Variants in PALM2AKAP2 observed in about 807,000 individuals in gnomAD.
PALM2AKAP2 encodes the protein PALM2 and AKAP2 fusion, also known as PALM2-AKAP2 fusion protein.
A neutral mutation model predicts 71.5 loss-of-function variants in PALM2AKAP2; 37 were observed. The ratio of observed to expected loss-of-function variants is 0.52; its 90% CI spans 0.40 to 0.68. The LOEUF (loss-of-function observed/expected upper bound fraction) is 0.68. Among genes scored for constraint, PALM2AKAP2 ranks in the 30% least tolerant of loss-of-function variants. The pLI is 0.00. For missense variants in PALM2AKAP2, 1,224 were observed against 1,191.8 expected, an observed-to-expected ratio of 1.03 and a Z score of -0.40; for synonymous variants, 468 against 478.8, an observed-to-expected ratio of 0.98 and a Z score of 0.29.
intron 3 of PALM2AKAP2, 126 bp from the exon 11 acceptor site, chr9:110,168,273 A>G (rs1271867957): frequency 8.5e-7 from 1 of 1,174,208 alleles, no homozygotes; most frequent in African/African-American, 1.6e-5. Flanking sequence ...CCTATCTCCC[A>G]GCAGTGCTTT....
chr9:109,779,981 G>A (rs1171785314), upstream of PALM2AKAP2, among the ~76,000 whole-genome samples: 1 of 151,868 alleles, frequency 6.6e-6, no homozygotes, highest in Non-Finnish European at 1.5e-5. Flanking sequence ...CGCCACGCCA[G>A]CCGTGCGCCC....
At chr9:109,824,627 T>C (rs1828095218) in intron 1 of PALM2AKAP2, among the ~76,000 whole-genome samples, 2 of 152,216 alleles carry the variant, frequency 1.3e-5, no homozygotes. Flanking sequence ...TGGTTAAGTC[T>C]CCTTATGTTG....
At position 109,891,352 on chromosome 9, in the gene PALM2AKAP2, G is replaced by A. The variant is rs147461823; in HGVS notation, c.257+10671G>A. Among the ~76,000 whole-genome samples, 92 of 152,276 alleles carry A rather than the reference G, an allele frequency of 6.0e-4. No homozygotes were observed. The East Asian group carries it at 0.016, about 26-fold the overall frequency. ...GCCCTGCTGGCTTCTTGGTCTCCAC[G>A]TGCCTCCTTCTTGTTGGTCATTAAG... On this transcript the variant is annotated intron_variant, in intron 3 of 9. Transcript: ENST00000302798.
chr9:109,989,544 CA>C (rs1832438858), intron 6 of PALM2AKAP2, among the ~76,000 whole-genome samples: 1 of 152,320 alleles, frequency 6.6e-6, no homozygotes, highest in East Asian at 1.9e-4. Flanking sequence ...GCCTCAACCA[CA>C]AAACAGCAAC....
At chr9:109,807,010 T>C (rs1238709687) in intron 1 of PALM2AKAP2, among the ~76,000 whole-genome samples, 1 of 152,064 alleles carries the variant, frequency 6.6e-6, no homozygotes, top group Non-Finnish European at 1.5e-5. Context: ...GTTGGGAGGA[T>C]ATTGTGGTAA....
chr9:109,905,312 ATTGTCCCTGTC>A, intron 3 of PALM2AKAP2, among the ~76,000 whole-genome samples: 1 of 152,310 alleles, frequency 6.6e-6, no homozygotes, highest in Non-Finnish European at 1.5e-5. Flanking sequence ...CATCGAGGCC[ATTGTCCCTGTC>A]CAGCCTCCCA....
At chr9:110,125,377 G>A (rs960945485) in intron 1 of PALM2AKAP2, 14 of 500,372 alleles carry the variant, frequency 2.8e-5, no homozygotes, top group East Asian at 3.0e-4. Context: ...CTCCAGCTCC[G>A]GCCAGCCAGG....
chr9:110,085,842 C>T (rs1340544663), intron 1 of PALM2AKAP2, among the ~76,000 whole-genome samples: 1 of 152,140 alleles, frequency 6.6e-6, no homozygotes, highest in Admixed American at 6.5e-5. Context: ...CGAAGTGGCT[C>T]ACACCTGTAA....
rs191541931 is a variant in PALM2AKAP2, at chr9:109,913,818, G to A, written c.258-9917G>A. 6.4e-3 allele frequency among the ~76,000 whole-genome samples: 946 copies of A among 146,870 alleles called. 9 individuals carry two copies. Among genetic ancestry groups the A allele is most frequent in the African/African-American group, 0.023 (891 of 39,572 alleles). ...GTTGCCCAGGCTGGAGTGCAGTGGCGCAATCTCGGCTCACTGCAAGCTCCG... is the reference window on the plus strand; with the variant it reads ...GTTGCCCAGGCTGGAGTGCAGTGGCACAATCTCGGCTCACTGCAAGCTCCG... On this transcript the variant is annotated intron_variant, in intron 3 of 9. Transcript: ENST00000302798.
chr9:110,004,882 G>A (rs899994888), intron 6 of PALM2AKAP2, among the ~76,000 whole-genome samples: 7 of 152,144 alleles, frequency 4.6e-5, no homozygotes, highest in Admixed American at 2.6e-4. Flanking sequence ...AGCTCCATCA[G>A]GTCCTTTAAG....
At chr9:109,822,205 C>A (rs1828024230) in intron 1 of PALM2AKAP2, among the ~76,000 whole-genome samples, 1 of 152,122 alleles carries the variant, frequency 6.6e-6, no homozygotes, top group South Asian at 2.1e-4. Flanking sequence ...CTAAGGAAAG[C>A]GTCAAAAAGT....
chr9:109,667,928 G>GTTTT lies in PALM2AKAP2; in HGVS notation c.5+27085_5+27088dup, dbSNP rs1213195298. ...AATACCTTTGAAAATGATGGCTTTGGTTTTTTTTTTTTTTTTTTTTTTTTT... is the reference window on the plus strand; with the variant it reads ...AATACCTTTGAAAATGATGGCTTTGGTTTTTTTTTTTTTTTTTTTTTTTTTTTTT... On this transcript the variant is annotated intron_variant, in intron 1 of 6. Transcript: ENST00000374531. Among the ~76,000 whole-genome samples, 38 of 56,610 alleles carry GTTTT rather than the reference G, an allele frequency of 6.7e-4. 7 individuals carry two copies. Among genetic ancestry groups the GTTTT allele is most frequent in the African/African-American group, 2.0e-3 (15 of 7,472 alleles). The allele number at this position is 56,610 out of a possible 152,430, so 37.1% of individuals were successfully genotyped here.
At chr9:109,742,819 C>T (rs1587890773) in intron 1 of PALM2AKAP2, among the ~76,000 whole-genome samples, 2 of 152,102 alleles carry the variant, frequency 1.3e-5, no homozygotes, top group Admixed American at 6.5e-5. Flanking sequence ...GGAAAGCAGC[C>T]GTGTTGCAGC....
chr9:109,721,243 A>G (rs547674248), intron 1 of PALM2AKAP2, among the ~76,000 whole-genome samples: 29 of 152,244 alleles, frequency 1.9e-4, no homozygotes, highest in Admixed American at 1.2e-3. Context: ...GGAGCTGGGC[A>G]TTTGCAGGCT....
chr9:110,025,028 A>G, intron 7 of PALM2AKAP2: 5 of 1,274,828 alleles, frequency 3.9e-6, no homozygotes, highest in South Asian at 1.2e-5. Flanking sequence ...TTTTCTGATC[A>G]TTTTCCTTCA....
chr9:110,148,233 GTTC>G (rs1268624766), intron 2 of PALM2AKAP2, among the ~76,000 whole-genome samples: 2 of 152,076 alleles, frequency 1.3e-5, no homozygotes, highest in African/African-American at 4.8e-5. Flanking sequence ...TAAGAGCAGA[GTTC>G]TTTCTTTCCT....
chr9:109,968,552 G>T (rs537450805), intron 6 of PALM2AKAP2, among the ~76,000 whole-genome samples: 1 of 152,154 alleles, frequency 6.6e-6, no homozygotes, highest in African/African-American at 2.4e-5. Context: ...TGGCCACTCT[G>T]TTGGGTTTCA....
chr9:110,034,779 A>G (rs1251645637), intron 7 of PALM2AKAP2, among the ~76,000 whole-genome samples: 1 of 151,208 alleles, frequency 6.6e-6, no homozygotes, highest in Non-Finnish European at 1.5e-5. Flanking sequence ...TAATTTTTGT[A>G]TTTTTAGTAG....
At chr9:110,078,848 C>T (rs1834381648) in intron 1 of PALM2AKAP2, among the ~76,000 whole-genome samples, 1 of 152,186 alleles carries the variant, frequency 6.6e-6, no homozygotes, top group Admixed American at 6.5e-5. Flanking sequence ...GAACATTTCT[C>T]ATGGTGTGGA....
Sources: allele counts gnomAD v4.1 joint callset (sites outside exome capture counted in the v4.1 genomes callset), GRCh38; gene constraint gnomAD v4.1.1; transcripts MANE v1.5; gene names NCBI Gene and HGNC (gene_info 2026-07-23, HGNC 2026-07-21).